The following IKZF3 variants were observed in gnomAD, a reference collection of about 807,000 sequenced individuals.
The protein encoded by IKZF3 is IKAROS family zinc finger 3.
In IKZF3, 10 loss-of-function variants were observed where a neutral mutation model predicts 49.0. The observed-to-expected ratio is 0.20, with a 90% CI of 0.13 to 0.35. IKZF3 has a LOEUF of 0.35. Ranked by LOEUF, IKZF3 falls within the 10% of genes least tolerant of loss-of-function variation. The probability of loss-of-function intolerance (pLI) is 1.00; values close to 1 mark genes in which losing one functional copy is unlikely to be tolerated. For missense variants in IKZF3, 498 were observed against 664.8 expected, an observed-to-expected ratio of 0.75 and a Z score of 2.76; for synonymous variants, 209 against 228.2, an observed-to-expected ratio of 0.92 and a Z score of 0.76.
At chr17:39,795,784 G>A (rs569620918) in intron 3 of IKZF3, among the ~76,000 whole-genome samples, 2 of 151,322 alleles carry the variant, frequency 1.3e-5, no homozygotes, top group South Asian at 2.1e-4. Context: ...TGGGCATAGT[G>A]GCTCATGCCT....
At chr17:39,840,084 C>T (rs79245645) in intron 1 of IKZF3, among the ~76,000 whole-genome samples, 5,336 of 152,228 alleles carry the variant, frequency 0.035, 325 homozygotes, top group African/African-American at 0.12. Flanking sequence ...TGAGGGGTTT[C>T]CTAGAACACA....
chr17:39,839,464 G>T (rs917926947), intron 1 of IKZF3: 5 of 583,786 alleles, frequency 8.6e-6, no homozygotes, highest in South Asian at 7.0e-5. Flanking sequence ...GGAATGGGAA[G>T]ATTTTCCTTT....
intron 1 of IKZF3, among the ~76,000 whole-genome samples, chr17:39,852,670 C>T (rs2144533432): frequency 6.6e-6 from 1 of 152,202 alleles, no homozygotes; most frequent in South Asian, 2.1e-4. Flanking sequence ...CATTCATTCC[C>T]TTGGCTTTAA....
chr17:39,824,271 T>C (rs2061897060), intron 3 of IKZF3, among the ~76,000 whole-genome samples: 1 of 152,192 alleles, frequency 6.6e-6, no homozygotes, highest in African/African-American at 2.4e-5. Context: ...TTTTGGCCAA[T>C]ATCTCCCATT....
chr17:39,842,045 A>C (rs940740511), intron 1 of IKZF3, among the ~76,000 whole-genome samples: 2 of 146,438 alleles, frequency 1.4e-5, no homozygotes, highest in African/African-American at 5.0e-5. Context: ...CAAAAAAAAA[A>C]AAAAAAAAAA....
At chr17:39,828,604 T>C (rs1412387654) in intron 3 of IKZF3, among the ~76,000 whole-genome samples, 1 of 152,236 alleles carries the variant, frequency 6.6e-6, no homozygotes, top group Non-Finnish European at 1.5e-5. Context: ...GACCTGGTAC[T>C]TGAGACTGTT....
Position 39,762,360 on chromosome 17 carries a change from G to T in IKZF3, c.*3430C>A, listed in dbSNP as rs1221831281. On this transcript the variant is annotated 3_prime_UTR_variant, in exon 8 of 8. Coordinates refer to ENST00000346872, the MANE Select transcript of IKZF3 (RefSeq NM_012481.5). Reference sequence around the variant, plus strand: ...ATCTGGTTCAACTTCAAGACTTAAGGATGCAGAGTTTCCACACATAAATTT... The same window carrying T: ...ATCTGGTTCAACTTCAAGACTTAAGTATGCAGAGTTTCCACACATAAATTT... 3 of 152,226 alleles carry T rather than the reference G, an allele frequency of 2.0e-5. No homozygotes were observed. Among genetic ancestry groups the T allele is most frequent in the Admixed American group, 6.5e-5 (1 of 15,286 alleles). 9.4% of individuals were successfully genotyped at this position (152,226 alleles called of 1,614,324 possible).
intron 3 of IKZF3, among the ~76,000 whole-genome samples, chr17:39,809,620 C>G (rs2061505859): frequency 6.6e-6 from 1 of 152,192 alleles, no homozygotes; most frequent in Non-Finnish European, 1.5e-5. Context: ...TGATTAGATC[C>G]TGGAAGAAAC....
chr17:39,835,627 T>G, intron 1 of IKZF3: 1 of 436,904 alleles, frequency 2.3e-6, no homozygotes. Flanking sequence ...ACCTCAGCAA[T>G]GATGCCGTCC....
At chr17:39,836,361 A>G (rs924958695) in intron 1 of IKZF3, among the ~76,000 whole-genome samples, 1 of 152,186 alleles carries the variant, frequency 6.6e-6, no homozygotes, top group South Asian at 2.1e-4. Context: ...TGGCTGCTGA[A>G]GGTCCGGGGC....
At chr17:39,800,848 T>C (rs745318944) in intron 3 of IKZF3, among the ~76,000 whole-genome samples, 1 of 152,148 alleles carries the variant, frequency 6.6e-6, no homozygotes, top group Non-Finnish European at 1.5e-5. Flanking sequence ...AACATCTAAA[T>C]CCTTCAGGGG....
At chr17:39,859,152 A>G (rs2063147761) in intron 1 of IKZF3, among the ~76,000 whole-genome samples, 2 of 151,912 alleles carry the variant, frequency 1.3e-5, no homozygotes. Flanking sequence ...AAAAACTTTT[A>G]ATTTTGGATG....
chr17:39,832,511 A>C (rs542360025), intron 1 of IKZF3, among the ~76,000 whole-genome samples: 1 of 150,210 alleles, frequency 6.7e-6, no homozygotes, highest in African/African-American at 2.5e-5. Context: ...ATATATGTAC[A>C]TATATATGTA....
chr17:39,820,501 A>G (rs926776956), intron 3 of IKZF3, among the ~76,000 whole-genome samples: 1 of 152,230 alleles, frequency 6.6e-6, no homozygotes, highest in South Asian at 2.1e-4. Flanking sequence ...TGAACTTTCC[A>G]AACTGTGGTA....
intron 1 of IKZF3, among the ~76,000 whole-genome samples, chr17:39,833,495 T>C (rs911877818): frequency 1.3e-5 from 2 of 152,190 alleles, no homozygotes; most frequent in Non-Finnish European, 2.9e-5. Flanking sequence ...TAGAACTTCA[T>C]AAAAACAGAA....
Position 39,765,844 on chromosome 17 carries a change from C to T in IKZF3, c.1476G>A (p.Arg492=). The T allele has an allele frequency of 6.2e-7, 1 of 1,613,926 alleles. No homozygotes were observed. Among genetic ancestry groups the T allele is most frequent in the Non-Finnish European group, 8.5e-7 (1 of 1,179,874 alleles). The stretch of plus-strand genomic sequence containing the variant: ...TGGCTATGTGAGACGAGAACTCATA[C>T]CGATCATGGCTTCGATATCCACACA... ...CNMCGYRSHD[R]YEFSSHIARG... Residue 492 remains arginine (R), a synonymous_variant, in exon 8 of 8, where the codon CGG becomes CGA. Transcript: ENST00000346872.
intron 5 of IKZF3, among the ~76,000 whole-genome samples, chr17:39,791,098 A>C (rs1316996272): frequency 1.3e-5 from 2 of 151,244 alleles, no homozygotes. Flanking sequence ...AATAAAGTTT[A>C]CCAGAAGAAA....
intron 1 of IKZF3, among the ~76,000 whole-genome samples, chr17:39,847,067 CT>C (rs1349602239): frequency 6.6e-6 from 1 of 152,072 alleles, no homozygotes; most frequent in Admixed American, 6.6e-5. Context: ...AAAATGTTCA[CT>C]TTTACTTTAT....
At chr17:39,797,609 G>T (rs779924287) in intron 3 of IKZF3, among the ~76,000 whole-genome samples, 7 of 151,936 alleles carry the variant, frequency 4.6e-5, no homozygotes, top group Non-Finnish European at 1.0e-4. Context: ...TTTTAGTAGA[G>T]ACAGGGTTTT....
Sources: allele counts gnomAD v4.1 joint callset (sites outside exome capture counted in the v4.1 genomes callset), GRCh38; gene constraint gnomAD v4.1.1; transcripts MANE v1.5; gene names NCBI Gene and HGNC (gene_info 2026-07-23, HGNC 2026-07-21).